KLRG2: variants seen among roughly 807,000 people sequenced by gnomAD.
The protein encoded by KLRG2 is killer cell lectin-like receptor subfamily G member 2.
A neutral mutation model predicts 35.4 loss-of-function variants in KLRG2; 39 were observed. The observed-to-expected ratio is 1.10, with a 90% CI of 0.85 to 1.44. The LOEUF is 1.44. Ranked by LOEUF, KLRG2 falls within the 40% of genes most tolerant of loss-of-function variation. The pLI, the probability that KLRG2 is intolerant of heterozygous loss-of-function variation, is 0.00. For synonymous variants in KLRG2, 283 were observed against 265.8 expected (o/e 1.06, Z -0.63); for missense variants, 632 against 570.9 (o/e 1.11, Z -1.09).
chr7:139,450,526 T>C (rs1796361634), downstream of KLRG2, among the ~76,000 whole-genome samples: 1 of 152,208 alleles, frequency 6.6e-6, no homozygotes, highest in African/African-American at 2.4e-5. Flanking sequence ...CCTAGCCATA[T>C]TAACAATTAT....
chr7:139,434,072 A>G, the KLRG2 span, among the ~76,000 whole-genome samples: 1 of 152,204 alleles, frequency 6.6e-6, no homozygotes, highest in Non-Finnish European at 1.5e-5. Flanking sequence ...TCCCAGACAC[A>G]GGATGTTTGC....
At chr7:139,455,872 AC>A (rs1796470062) in intron 3 of KLRG2, among the ~76,000 whole-genome samples, 1 of 152,196 alleles carries the variant, frequency 6.6e-6, no homozygotes, top group Non-Finnish European at 1.5e-5. Context: ...GTGAAGAAAA[AC>A]TGGAAACTCC....
intron 3 of KLRG2, among the ~76,000 whole-genome samples, chr7:139,455,130 C>T (rs1039022671): frequency 4.0e-5 from 6 of 150,126 alleles, no homozygotes; most frequent in Non-Finnish European, 5.9e-5. Flanking sequence ...CCGATTCTCC[C>T]GCCTCAGCCT....
At chr7:139,434,407 C>G in the KLRG2 span, among the ~76,000 whole-genome samples, 3 of 152,146 alleles carry the variant, frequency 2.0e-5, no homozygotes, top group East Asian at 5.8e-4. Context: ...GCACTGGCCA[C>G]CTACCTTCCT....
In KLRG2 at chr7:139,483,421, G is replaced by A; in HGVS notation, c.222C>T (p.Arg74=). 1 of 1,556,488 alleles carries A rather than the reference G, an allele frequency of 6.4e-7. No homozygotes were observed. The highest frequency in any genetic ancestry group is 8.6e-7 in the Non-Finnish European group (1 of 1,163,008). ...GCGGCGGCACGCGCGGGGACCCGGGGCGAGGCGAAGGCGGCTTTTTCTTGC... is the reference window on the plus strand; with the variant it reads ...GCGGCGGCACGCGCGGGGACCCGGGACGAGGCGAAGGCGGCTTTTTCTTGC... ...PSSKKKPPSP[R]PGSPRVPPLS... Residue 74 remains arginine, a synonymous_variant, in exon 1 of 5, where the codon CGC becomes CGT. Transcript: ENST00000340940.
In KLRG2 at chr7:139,453,155, C is replaced by T. The variant is rs550168329; in HGVS notation, c.*432G>A. On this transcript the variant is annotated 3_prime_UTR_variant, in exon 5 of 5. Transcript: ENST00000340940. ...CCTGAAGTAGAATTCACAGCAATGA[C>T]GTTATCCCTGCCAAGTCCCACTGCC... 3.7e-4 allele frequency: 101 copies of T among 270,138 alleles called. No homozygotes were observed. The highest frequency in any genetic ancestry group is 2.0e-3 in the African/African-American group (91 of 45,066). 16.7% of individuals were successfully genotyped at this position (270,138 alleles called of 1,614,324 possible).
chr7:139,464,448 T>C (rs898613373), intron 3 of KLRG2, among the ~76,000 whole-genome samples: 15 of 152,326 alleles, frequency 9.8e-5, no homozygotes, highest in South Asian at 8.3e-4. Context: ...TTGTTTTGCC[T>C]ATCCACCCCG....
At chr7:139,477,272 C>T (rs970093523) in intron 3 of KLRG2, among the ~76,000 whole-genome samples, 18 of 152,156 alleles carry the variant, frequency 1.2e-4, no homozygotes, top group Admixed American at 7.9e-4. Flanking sequence ...TATTTGTCCA[C>T]CCAAATTCAT....
chr7:139,432,094 G>A, the KLRG2 span, among the ~76,000 whole-genome samples: 3 of 151,808 alleles, frequency 2.0e-5, no homozygotes, highest in Non-Finnish European at 4.4e-5. Flanking sequence ...GGTGCCTCAC[G>A]CTTGTAATTC....
In KLRG2 at chr7:139,483,147, C is replaced by G. The variant is rs895881312; in HGVS notation, c.496G>C (p.Asp166His). 6.7e-7 allele frequency: 1 copy of G among 1,489,302 alleles called. No homozygotes were observed. The highest frequency in any genetic ancestry group is 1.5e-5 in the African/African-American group (1 of 68,336). The allele number at this position is 1,489,302 out of a possible 1,614,324, so 92.3% of individuals were successfully genotyped here. ...CGCAGCAGGAGCTGGTGCGCCGGGT[C>G]CGCGTGGCGGGAGAAGGCAGGGGAC... ...PESPAFSRHA[D>H]PAHQLLLRAP... Residue 166 changes from aspartate (D) to histidine (H), a missense_variant, in exon 1 of 5, where the codon GAC becomes CAC. Physicochemically the swap from Asp to His is moderately conservative, Grantham distance 81. Transcript: ENST00000340940.
chr7:139,443,245 C>T, the KLRG2 span, among the ~76,000 whole-genome samples: 1 of 151,406 alleles, frequency 6.6e-6, no homozygotes, highest in Admixed American at 6.6e-5. Context: ...TAGACCATGC[C>T]GGGCTAATTT....
In KLRG2 at chr7:139,453,231, G is replaced by A. The variant is rs1201637096; in HGVS notation, c.*356C>T. ...ATGAGCCGGAATGAGAACCCAGATT[G>A]GAATCCGCTGTGGTTGTTAACCCTG... On this transcript the variant is annotated 3_prime_UTR_variant, in exon 5 of 5. Transcript: ENST00000340940. 7.0e-6 allele frequency: 3 copies of A among 426,030 alleles called. No individual in the cohort carries two copies. Among genetic ancestry groups the A allele is most frequent in the South Asian group, 5.5e-5 (1 of 18,202 alleles). 26.4% of individuals were successfully genotyped at this position (426,030 alleles called of 1,614,324 possible).
Position 139,482,923 on chromosome 7 carries a change from G to A in KLRG2, c.720C>T (p.Asp240=). 1.3e-6 allele frequency: 2 copies of A among 1,492,212 alleles called. No individual in the cohort carries two copies. The highest frequency in any genetic ancestry group is 1.3e-5 in the South Asian group (1 of 77,650). The allele number at this position is 1,492,212 out of a possible 1,614,324, so 92.4% of individuals were successfully genotyped here. A position where few individuals can be genotyped will look rare whatever the true frequency, so the allele number is the denominator to read the frequency against. ...DAALLPRAGL[D]GDEKLPRAVT... ...CGGCCCGGGGCAGCTTCTCGTCGCC[G>A]TCCAACCCCGCGCGGGGCAACAGCG... is the stretch of plus-strand genomic sequence containing the variant. Residue 240 remains aspartate (D), a synonymous_variant, in exon 1 of 5, where the codon GAC becomes GAT. Coordinates refer to ENST00000340940, the MANE Select transcript of KLRG2 (RefSeq NM_198508.4).
At chr7:139,446,409 T>C in the KLRG2 span, among the ~76,000 whole-genome samples, 3 of 145,588 alleles carry the variant, frequency 2.1e-5, no homozygotes, top group Non-Finnish European at 4.5e-5. Context: ...AGTAGCTCAG[T>C]CTCGGCTCAC....
Position 139,482,911 on chromosome 7 carries a change from C to G in KLRG2, c.732G>C (p.Lys244Asn). ...CCGTAAGCGTTACGGCCCGGGGCAG[C>G]TTCTCGTCGCCGTCCAACCCCGCGC... is the stretch of plus-strand genomic sequence containing the variant. ...LPRAGLDGDE[K>N]LPRAVTLTGL... The change falls in exon 1 of 5, where the codon AAG becomes AAC. Residue 244 changes from lysine (K) to asparagine (N), a missense_variant. Physicochemically the swap from Lys to Asn is moderately conservative, Grantham distance 94 (BLOSUM62 0). Transcript: ENST00000340940. The G allele has an allele frequency of 6.7e-7, 1 of 1,492,478 alleles. No homozygotes were observed. 92.5% of individuals were successfully genotyped at this position (1,492,478 alleles called of 1,614,324 possible).
chr7:139,454,972 T>C (rs1361044141), intron 3 of KLRG2, among the ~76,000 whole-genome samples: 1 of 151,836 alleles, frequency 6.6e-6, no homozygotes, highest in Non-Finnish European at 1.5e-5. Flanking sequence ...CACACTATTT[T>C]TAACAATGAA....
intron 1 of KLRG2, among the ~76,000 whole-genome samples, chr7:139,482,483 C>T (rs1335123241): frequency 6.6e-6 from 1 of 151,982 alleles, no homozygotes; most frequent in East Asian, 1.9e-4. Context: ...ACCTCCGCTT[C>T]TCGGGTTCAA....
chr7:139,449,628 A>T (rs1362045279), downstream of KLRG2, among the ~76,000 whole-genome samples: 6 of 151,266 alleles, frequency 4.0e-5, no homozygotes, highest in Non-Finnish European at 7.4e-5. Context: ...TTGTAATAAC[A>T]CTTAGCTTAA....
At chr7:139,450,285 G>A (rs567744911), downstream of KLRG2, among the ~76,000 whole-genome samples, 100 of 151,500 alleles carry the variant, frequency 6.6e-4, 2 homozygotes, top group East Asian at 0.01. Context: ...GTGCAGTGGC[G>A]CGATCTCGGC....
Sources: allele counts gnomAD v4.1 joint callset (sites outside exome capture counted in the v4.1 genomes callset), GRCh38; gene constraint gnomAD v4.1.1; transcripts MANE v1.5; gene names NCBI Gene and HGNC (gene_info 2026-07-23, HGNC 2026-07-21).